Variants in AFG2A observed in about 807,000 individuals in gnomAD.
AFG2A encodes AAA ATPase AFG2A.
chr4:123,256,756 G>A, the AFG2A span: 7 of 985,338 alleles, frequency 7.1e-6, no homozygotes, highest in Non-Finnish European at 7.2e-6. Context: ...GACAAGAACA[G>A]CAAGACCTCT....
the AFG2A span, among the ~76,000 whole-genome samples, chr4:123,231,376 G>T: frequency 6.6e-6 from 1 of 151,966 alleles, no homozygotes; most frequent in African/African-American, 2.4e-5. Flanking sequence ...ACCAACCTCT[G>T]CTAGCTTCAA....
the AFG2A span, among the ~76,000 whole-genome samples, chr4:123,077,610 C>G: frequency 1.3e-5 from 2 of 152,146 alleles, no homozygotes; most frequent in African/African-American, 4.8e-5. Context: ...TGCATATGGG[C>G]CATATGGATA....
At chr4:122,936,180 T>C in the AFG2A span, 7 of 1,577,218 alleles carry the variant, frequency 4.4e-6, no homozygotes, top group East Asian at 2.3e-5. Flanking sequence ...TTAAATGTTT[T>C]GGAATTAATA....
chr4:122,929,611 A>C, the AFG2A span, among the ~76,000 whole-genome samples: 1 of 152,052 alleles, frequency 6.6e-6, no homozygotes, highest in East Asian at 1.9e-4. Flanking sequence ...AGACAGGAGG[A>C]TTGCTTGAGC....
chr4:122,930,222 A>G, the AFG2A span, among the ~76,000 whole-genome samples: 4 of 152,220 alleles, frequency 2.6e-5, no homozygotes, highest in Non-Finnish European at 5.9e-5. Flanking sequence ...CTACCTATCA[A>G]GGTAGTTAAG....
the AFG2A span, among the ~76,000 whole-genome samples, chr4:123,115,560 C>A: frequency 0.012 from 1,805 of 152,232 alleles, 43 homozygotes; most frequent in African/African-American, 0.04. Context: ...GCCTTGAGAC[C>A]CCTCCATGCC....
the AFG2A span, among the ~76,000 whole-genome samples, chr4:123,054,501 G>A: frequency 1.3e-5 from 2 of 151,774 alleles, no homozygotes; most frequent in African/African-American, 2.4e-5. Context: ...GGCAGATGAC[G>A]AGGTCAGGAG....
At chr4:122,932,484 T>C in the AFG2A span, among the ~76,000 whole-genome samples, 6 of 152,022 alleles carry the variant, frequency 3.9e-5, no homozygotes, top group Admixed American at 3.9e-4. Flanking sequence ...TGAGCCACCA[T>C]GCTCAGTTCC....
chr4:123,241,763 T>C, the AFG2A span, among the ~76,000 whole-genome samples: 5 of 152,162 alleles, frequency 3.3e-5, no homozygotes, highest in Non-Finnish European at 7.4e-5. Context: ...CTCAACATAG[T>C]GTTAGAAGTT....
At chr4:123,291,414 G>A in the AFG2A span, among the ~76,000 whole-genome samples, 1 of 152,038 alleles carries the variant, frequency 6.6e-6, no homozygotes, top group Non-Finnish European at 1.5e-5. Flanking sequence ...TGTTTTATAA[G>A]CTCTGAGTTT....
At chr4:123,243,181 CAG>C in the AFG2A span, among the ~76,000 whole-genome samples, 1 of 152,198 alleles carries the variant, frequency 6.6e-6, no homozygotes, top group Admixed American at 6.5e-5. Context: ...TTGTGGAAGA[CAG>C]TGTGGTGATT....
chr4:123,260,872 C>T, the AFG2A span, among the ~76,000 whole-genome samples: 1 of 152,202 alleles, frequency 6.6e-6, no homozygotes, highest in East Asian at 1.9e-4. Flanking sequence ...GGTCCCCAAC[C>T]TCCTGGCCAC....
the AFG2A span, among the ~76,000 whole-genome samples, chr4:123,196,304 C>T: frequency 2.0e-5 from 3 of 151,564 alleles, no homozygotes; most frequent in South Asian, 2.1e-4. Context: ...CCACCGCGCC[C>T]GGCCACATCC....
At chr4:123,090,589 G>C in the AFG2A span, 1 of 1,614,016 alleles carries the variant, frequency 6.2e-7, no homozygotes, top group Non-Finnish European at 8.5e-7. Flanking sequence ...TTCTTTAGGT[G>C]CTGGGAATGT....
chr4:123,165,179 A>AG, the AFG2A span, among the ~76,000 whole-genome samples: 105 of 152,284 alleles, frequency 6.9e-4, no homozygotes, highest in Middle Eastern at 3.4e-3. Flanking sequence ...AAAATTATAG[A>AG]GAAAAAAGGT....
the AFG2A span, among the ~76,000 whole-genome samples, chr4:123,234,869 C>G: frequency 0.018 from 2,712 of 152,242 alleles, 90 homozygotes; most frequent in African/African-American, 0.062. Context: ...TATTTAACCT[C>G]TCTCTAACTC....
At chr4:122,984,357 G>T in the AFG2A span, among the ~76,000 whole-genome samples, 1 of 152,148 alleles carries the variant, frequency 6.6e-6, no homozygotes, top group Non-Finnish European at 1.5e-5. Context: ...TACTCCTAAG[G>T]AGGAGTCCTT....
the AFG2A span, among the ~76,000 whole-genome samples, chr4:123,201,654 C>T: frequency 0.022 from 3,280 of 152,240 alleles, 112 homozygotes; most frequent in African/African-American, 0.074. Context: ...CACGGTGGCT[C>T]ATGCCTATAA....
the AFG2A span, among the ~76,000 whole-genome samples, chr4:123,285,228 C>T: frequency 2.0e-5 from 3 of 152,058 alleles, no homozygotes; most frequent in Non-Finnish European, 4.4e-5. Flanking sequence ...TGTCAGAATT[C>T]GTACCCTCTT....
Sources: gnomAD v4.1 joint callset for allele counts (sites outside exome capture counted in the v4.1 genomes callset) on GRCh38, gnomAD v4.1.1 for gene constraint, MANE v1.5 for transcripts, NCBI Gene and HGNC (gene_info 2026-07-23, HGNC 2026-07-21) for gene names.